Variants in LRRTM4 observed in about 807,000 individuals in gnomAD.
LRRTM4 encodes the protein leucine rich repeat transmembrane neuronal 4, also known as leucine-rich repeat transmembrane neuronal protein 4.
A neutral mutation model predicts 47.6 loss-of-function variants in LRRTM4; 25 were observed. The observed-to-expected ratio is 0.53, with a 90% confidence interval of 0.38 to 0.73. The LOEUF (loss-of-function observed/expected upper bound fraction) is 0.73. Among genes scored for constraint, LRRTM4 ranks in the 30% least tolerant of loss-of-function variants. LRRTM4 has a pLI of 0.00. For missense variants in LRRTM4, 638 were observed against 713.4 expected (o/e 0.89, Z 1.20); for synonymous variants, 311 against 269.5 (o/e 1.15, Z -1.51).
chr2:76,949,050 T>C (rs1481084988), intron 3 of LRRTM4, among the ~76,000 whole-genome samples: 1 of 151,876 alleles, frequency 6.6e-6, no homozygotes, highest in Non-Finnish European at 1.5e-5. Context: ...TGCACCAAAA[T>C]CCATACTCTT....
At chr2:76,975,027 C>G (rs756759192) in intron 3 of LRRTM4, among the ~76,000 whole-genome samples, 34 of 151,540 alleles carry the variant, frequency 2.2e-4, no homozygotes, top group Non-Finnish European at 4.1e-4. Flanking sequence ...ATCCTATGAG[C>G]TATGTACAGT....
intron 3 of LRRTM4, among the ~76,000 whole-genome samples, chr2:77,168,789 T>C (rs572964383): frequency 2.6e-5 from 4 of 152,270 alleles, no homozygotes; most frequent in African/African-American, 4.8e-5. Context: ...AATGAGAACA[T>C]GTGATATTTG....
chr2:77,169,170 A>T (rs919796650), intron 3 of LRRTM4, among the ~76,000 whole-genome samples: 6 of 152,156 alleles, frequency 3.9e-5, no homozygotes, highest in Admixed American at 1.3e-4. Flanking sequence ...GGAAAAAACA[A>T]GGATGCCTAC....
chr2:77,062,701 T>A (rs1264536541), intron 3 of LRRTM4, among the ~76,000 whole-genome samples: 2 of 152,088 alleles, frequency 1.3e-5, no homozygotes, highest in East Asian at 1.9e-4. Flanking sequence ...CTTCCCAACA[T>A]AACATATTCT....
Position 77,147,262 on chromosome 2 carries a change from T to C in LRRTM4, c.1551+371056A>G, listed in dbSNP as rs145580886. 5.5e-3 allele frequency among the ~76,000 whole-genome samples: 835 copies of C among 152,290 alleles called. 9 individuals are homozygous for C. The highest frequency in any genetic ancestry group is 0.019 in the African/African-American group (800 of 41,568). On this transcript the variant is annotated intron_variant, in intron 3 of 3. Coordinates refer to ENST00000409884, the MANE Select transcript of LRRTM4 (RefSeq NM_001134745.3). ...CTTAAGGAAGACATTGATGCAGATA[T>C]AAACCTCCAAGAGGGATTTCCCTTG... is the stretch of plus-strand genomic sequence containing the variant.
intron 3 of LRRTM4, among the ~76,000 whole-genome samples, chr2:77,044,828 T>C (rs926494233): frequency 2.0e-5 from 3 of 151,764 alleles, no homozygotes; most frequent in African/African-American, 7.3e-5. Flanking sequence ...TGAATATATA[T>C]GCATGTAGGT....
intron 3 of LRRTM4, among the ~76,000 whole-genome samples, chr2:77,393,577 C>T (rs908732535): frequency 5.9e-5 from 9 of 152,016 alleles, no homozygotes; most frequent in East Asian, 3.9e-4. Context: ...ATGTTTTATC[C>T]GGAAGGCTCT....
intron 3 of LRRTM4, among the ~76,000 whole-genome samples, chr2:77,089,580 C>G (rs1680859500): frequency 1.3e-5 from 2 of 151,906 alleles, no homozygotes; most frequent in Admixed American, 1.3e-4. Context: ...ACCCCCGAAC[C>G]CCTTCCCTCT....
intron 3 of LRRTM4, among the ~76,000 whole-genome samples, chr2:76,931,073 A>G (rs1674753106): frequency 6.6e-6 from 1 of 152,220 alleles, no homozygotes; most frequent in East Asian, 1.9e-4. Context: ...CAGTTATCTT[A>G]CCTATGCAAG....
chr2:77,160,801 G>A (rs1047061120), intron 3 of LRRTM4, among the ~76,000 whole-genome samples: 7 of 152,218 alleles, frequency 4.6e-5, no homozygotes, highest in East Asian at 1.9e-4. Context: ...GAGGCCACAC[G>A]ATTACAATTA....
At chr2:76,796,142 C>T (rs1407562104) in intron 3 of LRRTM4, among the ~76,000 whole-genome samples, 12 of 143,956 alleles carry the variant, frequency 8.3e-5, no homozygotes, top group African/African-American at 3.0e-4. Flanking sequence ...AAGATTATAT[C>T]CCGCACATGG....
At chr2:76,917,644 G>A (rs939840732) in intron 3 of LRRTM4, among the ~76,000 whole-genome samples, 33 of 152,244 alleles carry the variant, frequency 2.2e-4, no homozygotes, top group African/African-American at 7.7e-4. Flanking sequence ...CTGCACACAT[G>A]AAGGAGCTAG....
intron 3 of LRRTM4, among the ~76,000 whole-genome samples, chr2:77,074,887 T>C (rs757861622): frequency 2.0e-5 from 3 of 150,088 alleles, no homozygotes; most frequent in African/African-American, 5.0e-5. Flanking sequence ...ACCAGTTACA[T>C]TGGCAGAGGT....
At chr2:77,461,779 C>T (rs931280546) in intron 3 of LRRTM4, among the ~76,000 whole-genome samples, 1 of 152,122 alleles carries the variant, frequency 6.6e-6, no homozygotes, top group Non-Finnish European at 1.5e-5. Flanking sequence ...TGTTCTCTTG[C>T]TCTGGGAATA....
intron 3 of LRRTM4, among the ~76,000 whole-genome samples, chr2:77,270,016 G>T (rs1676150716): frequency 6.6e-6 from 1 of 152,138 alleles, no homozygotes; most frequent in Non-Finnish European, 1.5e-5. Context: ...CAGAAGCTGA[G>T]GTCCTCTAGC....
chr2:76,884,431 T>A (rs1673014025), intron 3 of LRRTM4, among the ~76,000 whole-genome samples: 1 of 152,140 alleles, frequency 6.6e-6, no homozygotes, highest in Non-Finnish European at 1.5e-5. Flanking sequence ...GGAAAATGAC[T>A]AAATTCCAAA....
intron 3 of LRRTM4, among the ~76,000 whole-genome samples, chr2:77,196,759 A>T (rs533674974): frequency 3.9e-5 from 6 of 152,168 alleles, no homozygotes; most frequent in Non-Finnish European, 5.9e-5. Flanking sequence ...AATTAAATAA[A>T]ATAAAAAACT....
intron 3 of LRRTM4, among the ~76,000 whole-genome samples, chr2:76,753,534 G>A (rs1353485253): frequency 2.0e-5 from 3 of 152,188 alleles, no homozygotes; most frequent in East Asian, 1.9e-4. Flanking sequence ...TGTTCAGCTC[G>A]AGTATTTTTT....
intron 3 of LRRTM4, among the ~76,000 whole-genome samples, chr2:76,781,689 T>C (rs562024529): frequency 5.9e-5 from 9 of 152,236 alleles, no homozygotes; most frequent in Non-Finnish European, 1.2e-4. Context: ...GTACCTCAGA[T>C]GGAAATGCAG....
Sources: gnomAD v4.1 joint callset for allele counts (sites outside exome capture counted in the v4.1 genomes callset) on GRCh38, gnomAD v4.1.1 for gene constraint, MANE v1.5 for transcripts, NCBI Gene and HGNC (gene_info 2026-07-23, HGNC 2026-07-21) for gene names.